The following GRIK1 variants were observed in gnomAD, a reference collection of about 807,000 sequenced individuals.
The protein encoded by GRIK1 is glutamate receptor ionotropic, kainate 1.
In GRIK1, 69 loss-of-function variants were observed where a neutral mutation model predicts 105.7. The ratio of observed to expected loss-of-function variants is 0.65; its 90% CI spans 0.54 to 0.80. The LOEUF (loss-of-function observed/expected upper bound fraction) is 0.80, where lower values mean the gene tolerates loss of function less well. Ranked by LOEUF, GRIK1 falls within the 30% of genes least tolerant of loss-of-function variation. The pLI, the probability that GRIK1 is intolerant of heterozygous loss-of-function variation, is 0.00. For missense variants in GRIK1, 1,109 were observed against 1,167.3 expected, an observed-to-expected ratio of 0.95 and a Z score of 0.73; for synonymous variants, 438 against 431.3, an observed-to-expected ratio of 1.02 and a Z score of -0.19.
intron 3 of GRIK1, 35 bp from the exon 4 acceptor site, chr21:29,673,199 G>C (rs2063194207): frequency 7.0e-7 from 1 of 1,435,426 alleles, no homozygotes; most frequent in Non-Finnish European, 9.8e-7. Context: ...AATGGAGACT[G>C]TTCTGTCGAC....
At chr21:29,796,117 G>T (rs1003386681) in intron 1 of GRIK1, among the ~76,000 whole-genome samples, 2 of 152,096 alleles carry the variant, frequency 1.3e-5, no homozygotes, top group African/African-American at 2.4e-5. Flanking sequence ...TTTTGTCATT[G>T]CAGGCCTATT....
intron 1 of GRIK1, among the ~76,000 whole-genome samples, chr21:29,845,891 C>G (rs28516017): frequency 0.054 from 8,195 of 152,150 alleles, 519 homozygotes; most frequent in African/African-American, 0.15. Flanking sequence ...GGCCTGAAAA[C>G]CCTCTCACTC....
At chr21:29,707,633 C>T (rs566030260) in intron 1 of GRIK1, among the ~76,000 whole-genome samples, 1 of 151,854 alleles carries the variant, frequency 6.6e-6, no homozygotes, top group East Asian at 1.9e-4. Flanking sequence ...GTAGTTGGGC[C>T]TACAGGCGTT....
intron 1 of GRIK1, among the ~76,000 whole-genome samples, chr21:29,926,295 C>T (rs928258487): frequency 3.9e-5 from 6 of 152,146 alleles, no homozygotes; most frequent in East Asian, 1.9e-4. Flanking sequence ...TTCTCTACAA[C>T]GGGCACCCTG....
chr21:29,924,774 G>A (rs999142952), intron 1 of GRIK1, among the ~76,000 whole-genome samples: 1 of 152,114 alleles, frequency 6.6e-6, no homozygotes, highest in Non-Finnish European at 1.5e-5. Context: ...TAGAGGTGAG[G>A]TGGTCTTCTA....
At chr21:29,882,520 C>CTCT (rs1322652255) in intron 1 of GRIK1, among the ~76,000 whole-genome samples, 1 of 152,054 alleles carries the variant, frequency 6.6e-6, no homozygotes, top group Non-Finnish European at 1.5e-5. Context: ...GAATTCTGTG[C>CTCT]TCTCACAATG....
chr21:29,867,864 GAGAA>G (rs2068858575), intron 1 of GRIK1, among the ~76,000 whole-genome samples: 1 of 77,590 alleles, frequency 1.3e-5, no homozygotes, highest in Admixed American at 1.8e-4. Flanking sequence ...GAGAAAGAGA[GAGAA>G]AGAGAGAAAG....
chr21:29,687,565 G>A (rs753907637), intron 3 of GRIK1, among the ~76,000 whole-genome samples: 5 of 152,142 alleles, frequency 3.3e-5, no homozygotes, highest in African/African-American at 9.7e-5. Flanking sequence ...GGCGACATAC[G>A]AAATCATTTT....
chr21:29,626,272 A>G (rs2062128313), intron 7 of GRIK1, among the ~76,000 whole-genome samples: 1 of 152,094 alleles, frequency 6.6e-6, no homozygotes, highest in Non-Finnish European at 1.5e-5. Flanking sequence ...TCATTCTTTT[A>G]TCAGGTATGG....
chr21:29,898,487 T>C (rs1454494703), intron 1 of GRIK1, among the ~76,000 whole-genome samples: 1 of 152,164 alleles, frequency 6.6e-6, no homozygotes, highest in Non-Finnish European at 1.5e-5. Flanking sequence ...ACTAATAAGC[T>C]TGGTCTTAGA....
intron 16 of GRIK1, among the ~76,000 whole-genome samples, chr21:29,544,050 A>G (rs1026875570): frequency 6.6e-6 from 1 of 152,162 alleles, no homozygotes; most frequent in Non-Finnish European, 1.5e-5. Flanking sequence ...TTACCATCTC[A>G]GATCCTAGAT....
intron 4 of GRIK1, among the ~76,000 whole-genome samples, chr21:29,659,297 T>C (rs899885134): frequency 1.3e-5 from 2 of 152,234 alleles, no homozygotes; most frequent in African/African-American, 4.8e-5. Flanking sequence ...TCTTCAGATC[T>C]GATGTAGCTG....
At chr21:29,545,569 G>A (rs2090037645) in intron 16 of GRIK1, among the ~76,000 whole-genome samples, 3 of 152,200 alleles carry the variant, frequency 2.0e-5, no homozygotes, top group Non-Finnish European at 2.9e-5. Context: ...TCTCTACAGG[G>A]AATGGCACTA....
At position 29,601,520 on chromosome 21, in the gene GRIK1, G is replaced by A. The variant is rs148014260; in HGVS notation, c.1099-2583C>T. On this transcript the variant is annotated intron_variant, in intron 7 of 17. Coordinates refer to ENST00000327783, the MANE Select transcript of GRIK1 (RefSeq NM_001330994.2). ...TACGTCTCCAGAATTTCCTACCACC[G>A]CTCCCCTATGCACAGCCCCAGCTGG... Among the ~76,000 whole-genome samples, 674 of 152,194 alleles carry A rather than the reference G, an allele frequency of 4.4e-3. 7 individuals are homozygous for A. The highest frequency in any genetic ancestry group is 0.015 in the African/African-American group (609 of 41,526).
chr21:29,852,585 CA>C (rs1414682410), intron 1 of GRIK1, among the ~76,000 whole-genome samples: 2 of 152,146 alleles, frequency 1.3e-5, no homozygotes, highest in African/African-American at 4.8e-5. Context: ...ACATTGTAGG[CA>C]GTAAATAAAT....
intron 1 of GRIK1, among the ~76,000 whole-genome samples, chr21:29,724,294 C>T (rs949492645): frequency 3.3e-5 from 5 of 152,140 alleles, no homozygotes; most frequent in Non-Finnish European, 7.3e-5. Context: ...GGGAAAAAGA[C>T]CTACATCACT....
intron 1 of GRIK1, among the ~76,000 whole-genome samples, chr21:29,909,510 C>G (rs2146288552): frequency 6.6e-6 from 1 of 151,874 alleles, no homozygotes; most frequent in South Asian, 2.1e-4. Flanking sequence ...TAAAATATGG[C>G]TTCAAATAAG....
intron 1 of GRIK1, among the ~76,000 whole-genome samples, chr21:29,728,581 T>A (rs536248705): frequency 2.0e-5 from 3 of 152,278 alleles, no homozygotes; most frequent in South Asian, 4.1e-4. Context: ...ACAGTGTGGA[T>A]GAAGGGTTGT....
At chr21:29,780,475 A>C (rs1203509836) in intron 1 of GRIK1, among the ~76,000 whole-genome samples, 2 of 152,214 alleles carry the variant, frequency 1.3e-5, no homozygotes, top group Non-Finnish European at 2.9e-5. Flanking sequence ...TTGAATTATT[A>C]AAGCCAACAA....
Sources: allele counts gnomAD v4.1 joint callset (sites outside exome capture counted in the v4.1 genomes callset), GRCh38; gene constraint gnomAD v4.1.1; transcripts MANE v1.5; gene names NCBI Gene and HGNC (gene_info 2026-07-23, HGNC 2026-07-21).